The following HACD4 variants were observed in gnomAD, a reference collection of about 807,000 sequenced individuals.
HACD4 encodes very-long-chain (3R)-3-hydroxyacyl-CoA dehydratase 4.
A neutral mutation model predicts 33.3 loss-of-function variants in HACD4; 35 were observed. That is an observed-to-expected ratio of 1.05 (90% CI 0.80 to 1.39). The LOEUF (loss-of-function observed/expected upper bound fraction) is 1.39. HACD4 is among the 40% of genes most tolerant of loss of function. The pLI is 0.00. For missense variants in HACD4, 323 were observed against 276.5 expected, an observed-to-expected ratio of 1.17 and a Z score of -1.19; for synonymous variants, 118 against 98.0, an observed-to-expected ratio of 1.20 and a Z score of -1.21.
intron 3 of HACD4, among the ~76,000 whole-genome samples, chr9:21,019,093 T>C (rs1364592094): frequency 1.3e-5 from 2 of 152,156 alleles, no homozygotes; most frequent in African/African-American, 2.4e-5. Flanking sequence ...CATGCTTCTA[T>C]AAGACAAATG....
intron 1 of HACD4, among the ~76,000 whole-genome samples, chr9:21,031,100 G>C (rs752264776): frequency 6.6e-6 from 1 of 152,138 alleles, no homozygotes; most frequent in Non-Finnish European, 1.5e-5. Flanking sequence ...CTGGCTTGTG[G>C]GTTAAACATA....
chr9:21,007,803 G>A (rs778021311), intron 6 of HACD4, among the ~76,000 whole-genome samples: 10 of 152,058 alleles, frequency 6.6e-5, no homozygotes, highest in Non-Finnish European at 1.5e-4. Context: ...TAGTAAAATT[G>A]TTCTTATTTG....
In HACD4 at chr9:21,010,877, G is replaced by A. The variant is rs184434849; in HGVS notation, c.490+712C>T. On this transcript the variant is annotated intron_variant, in intron 5 of 6. Transcript: ENST00000495827. ...CCCTCACATGCACAGTTCACAACAG[G>A]GTTTGTGCTCCAATAAGAATCTGAT... Among the ~76,000 whole-genome samples, 19 of 152,104 alleles carry A rather than the reference G, an allele frequency of 1.2e-4. No individual in the cohort carries two copies. The East Asian group carries it at 3.5e-3, about 28-fold the overall frequency.
intron 3 of HACD4, among the ~76,000 whole-genome samples, chr9:21,022,928 T>C (rs530762111): frequency 7.2e-5 from 11 of 152,104 alleles, no homozygotes; most frequent in East Asian, 1.9e-4. Context: ...CGTATGTTTA[T>C]TGCGGCACTA....
chr9:21,015,380 GACTA>G (rs1377538981), intron 4 of HACD4: 1 of 152,646 alleles, frequency 6.6e-6, no homozygotes, highest in Non-Finnish European at 1.5e-5. Context: ...GTAGAGGTAA[GACTA>G]GGCACATCTC....
chr9:21,021,924 C>T (rs539906477), intron 3 of HACD4, among the ~76,000 whole-genome samples: 2 of 152,172 alleles, frequency 1.3e-5, no homozygotes, highest in South Asian at 2.1e-4. Context: ...ATCACCAAGA[C>T]AATCCTAAGC....
intron 2 of HACD4, 64 bp from the exon 3 acceptor site, chr9:21,026,787 T>C (rs1243030899): frequency 3.6e-6 from 5 of 1,382,290 alleles, no homozygotes; most frequent in Non-Finnish European, 5.1e-6. Context: ...CCCAAATTTA[T>C]GCAGCACTTT....
Position 21,026,679 on chromosome 9 carries a change from G to A in HACD4, c.187C>T (p.Leu63Phe), listed in dbSNP as rs1418188143. 1 of 1,613,154 alleles carries A rather than the reference G, an allele frequency of 6.2e-7. No homozygotes were observed. The highest frequency in any genetic ancestry group is 1.3e-5 in the African/African-American group (1 of 74,920). The stretch of plus-strand genomic sequence containing the variant: ...TCCAGGAGAGATACGGATTGGCAAA[G>A]TCGCATCACAAGTCCAATAGCATAA... ...TFYAIGLVMR[L>F]CQSVSLLELL... Residue 63 changes from leucine (L) to phenylalanine (F), a missense_variant, in exon 3 of 7, where the codon CTT (leucine) becomes TTT (phenylalanine). By Grantham distance (22) the Leu-to-Phe change is conservative (BLOSUM62 0). Transcript: ENST00000495827.
In HACD4 at chr9:21,007,035, C is replaced by G; in HGVS notation, c.*2G>C. On this transcript the variant is annotated 3_prime_UTR_variant, in exon 7 of 7. Transcript: ENST00000495827. ...TCTCGTGTCACACTGGAATGCTGTACTTCACATCTTCTTTTTTTTAATGGG... is the reference window on the plus strand; with the variant it reads ...TCTCGTGTCACACTGGAATGCTGTAGTTCACATCTTCTTTTTTTTAATGGG... The G allele has an allele frequency of 6.6e-7, 1 of 1,525,306 alleles. No homozygotes were observed. Among genetic ancestry groups the G allele is most frequent in the Non-Finnish European group, 9.1e-7 (1 of 1,099,504 alleles). The allele number at this position is 1,525,306 out of a possible 1,614,324, so 94.5% of individuals were successfully genotyped here.
rs538431396 is a variant in HACD4 at position 21,003,451 on chromosome 9, A to T, written c.*3586T>A. ...GGTTTATGTTCTCCTTGCACACTAA[A>T]GCTTTTCATAATTTTTCTGAAATTT... On this transcript the variant is annotated 3_prime_UTR_variant, in exon 7 of 7. Transcript: ENST00000495827. The T allele has an allele frequency of 2.0e-5, 3 of 152,094 alleles. No individual in the cohort carries two copies. The South Asian group carries it at 6.2e-4, about 31-fold the overall frequency. The allele number at this position is 152,094 out of a possible 1,614,324, so 9.4% of individuals were successfully genotyped here.
intron 3 of HACD4, among the ~76,000 whole-genome samples, chr9:21,021,483 T>C (rs938220930): frequency 1.4e-4 from 22 of 152,124 alleles, no homozygotes; most frequent in Non-Finnish European, 3.1e-4. Context: ...GAAAACCCCA[T>C]CGTCTCAGCC....
intron 4 of HACD4, among the ~76,000 whole-genome samples, chr9:21,013,446 T>G (rs1842485295): frequency 6.6e-6 from 1 of 152,226 alleles, no homozygotes; most frequent in Non-Finnish European, 1.5e-5. Flanking sequence ...AAAGATTGAG[T>G]CCTTCAACTA....
intron 3 of HACD4, among the ~76,000 whole-genome samples, chr9:21,016,848 GA>G (rs1418678352): frequency 7.3e-5 from 11 of 151,018 alleles, no homozygotes; most frequent in African/African-American, 2.2e-4. Context: ...AGCAGAAAAT[GA>G]AAAGAATTCA....
Position 21,005,514 on chromosome 9 carries a change from G to C in HACD4, c.*1523C>G, listed in dbSNP as rs150901047. 1,117 of 152,344 alleles carry C rather than the reference G, an allele frequency of 7.3e-3. 8 individuals are homozygous for C. Among genetic ancestry groups the C allele is most frequent in the Middle Eastern group, 0.024 (7 of 294 alleles). 9.4% of individuals were successfully genotyped at this position (152,344 alleles called of 1,614,324 possible). A position where few individuals can be genotyped will look rare whatever the true frequency, so the allele number is the denominator to read the frequency against. On this transcript the variant is annotated 3_prime_UTR_variant, in exon 7 of 7. Transcript: ENST00000495827. This position sits in a 1 kb window ranked among gnomAD's most constrained non-coding sequence, Gnocchi z 4.0. The stretch of plus-strand genomic sequence containing the variant: ...AGATGGGACAGAATGAGGGAAGACT[G>C]TTGGACTTCTTGAATTTGGGACCAT...
intron 4 of HACD4, chr9:21,015,644 T>G (rs1842538197): frequency 1.6e-5 from 5 of 318,222 alleles, no homozygotes; most frequent in Non-Finnish European, 2.9e-5. Flanking sequence ...TATTCCAAGT[T>G]GGTTTTATGC....
intron 3 of HACD4, among the ~76,000 whole-genome samples, chr9:21,023,105 A>G (rs1280617901): frequency 2.0e-5 from 3 of 151,982 alleles, no homozygotes; most frequent in African/African-American, 7.3e-5. Flanking sequence ...ATTCTGAGCA[A>G]ACTATCGCAA....
In HACD4 at chr9:21,026,668, G is replaced by A. The variant is rs759435887; in HGVS notation, c.198C>T (p.Ser66=). 1.7e-5 allele frequency: 27 copies of A among 1,612,634 alleles called. No homozygotes were observed. Among genetic ancestry groups the A allele is most frequent in the Admixed American group, 1.7e-4 (10 of 59,994 alleles). ...TGTGCAGCAGTTCCAGGAGAGATAC[G>A]GATTGGCAAAGTCGCATCACAAGTC... ...AIGLVMRLCQ[S]VSLLELLHIY... is the part of the protein sequence containing the mutation. Residue 66 remains serine (S), a synonymous_variant, in exon 3 of 7, where the codon TCC becomes TCT. Coordinates refer to ENST00000495827, the MANE Select transcript of HACD4 (RefSeq NM_001010915.5).
At chr9:21,016,782 C>CTTTTTT (rs11379547) in intron 3 of HACD4, among the ~76,000 whole-genome samples, 1 of 148,420 alleles carries the variant, frequency 6.7e-6, no homozygotes, top group Non-Finnish European at 1.5e-5. Context: ...AAACTTGTAG[C>CTTTTTT]TTTTTTTTTT....
In HACD4 at chr9:21,003,408, C is replaced by T. The variant is rs980879715; in HGVS notation, c.*3629G>A. 3.9e-5 allele frequency: 6 copies of T among 152,074 alleles called. No individual in the cohort carries two copies. The highest frequency in any genetic ancestry group is 1.4e-4 in the African/African-American group (6 of 41,436). The allele number at this position is 152,074 out of a possible 1,614,324, so 9.4% of individuals were successfully genotyped here. ...TTATTTGGAGTGATTAAGATTAACT[C>T]ACCTAAAATTTGCAAAGGGTTTATG... On this transcript the variant is annotated 3_prime_UTR_variant, in exon 7 of 7. Transcript: ENST00000495827.
Sources: allele counts gnomAD v4.1 joint callset (sites outside exome capture counted in the v4.1 genomes callset), GRCh38; gene constraint gnomAD v4.1.1; non-coding constraint Gnocchi (gnomAD v3.1); transcripts MANE v1.5; gene names NCBI Gene and HGNC (gene_info 2026-07-23, HGNC 2026-07-21).